Variants in NCBP1 observed in about 807,000 individuals in gnomAD.
The protein encoded by NCBP1 is nuclear cap binding protein subunit 1, also known as nuclear cap-binding protein subunit 1.
A neutral mutation model predicts 111.7 loss-of-function variants in NCBP1; 16 were observed. The ratio of observed to expected loss-of-function variants is 0.14; its 90% CI spans 0.10 to 0.22. NCBP1 has a LOEUF of 0.22. NCBP1 is among the 10% of genes least tolerant of loss of function. The probability of loss-of-function intolerance (pLI) is 1.00; values close to 1 mark genes in which losing one functional copy is unlikely to be tolerated. For synonymous variants in NCBP1, 304 were observed against 314.3 expected (o/e 0.97, Z 0.35); for missense variants, 607 against 957.5 (o/e 0.63, Z 4.83).
Position 97,669,856 on chromosome 9 carries a change from A to G in NCBP1, c.2259+150A>G, listed in dbSNP as rs925391039. The G allele has an allele frequency of 7.0e-6, 5 of 709,686 alleles. No homozygotes were observed. The African/African-American group carries it at 8.8e-5, about 12-fold the overall frequency. The allele number at this position is 709,686 out of a possible 1,614,324, so 44.0% of individuals were successfully genotyped here. On this transcript the variant is annotated intron_variant, in intron 22 of 22. Coordinates refer to ENST00000375147, the MANE Select transcript of NCBP1 (RefSeq NM_002486.5). ...CCATTTGCTGCTACCATTGCTCATC[A>G]GAATATTTAGGCTTAAACTGATTCT...
At chr9:97,655,091 CATACTT>C (rs1827611376) in intron 12 of NCBP1, 147 bp downstream of exon 12, 1 of 554,940 alleles carries the variant, frequency 1.8e-6, no homozygotes, top group Non-Finnish European at 3.0e-6. Flanking sequence ...TAACCAGACT[CATACTT>C]AATGTAACAT....
intron 2 of NCBP1, 40 bp from the exon 3 acceptor site, chr9:97,641,522 C>T (rs1827204467): frequency 7.0e-7 from 1 of 1,432,104 alleles, no homozygotes; most frequent in East Asian, 2.5e-5. Context: ...ATTTATGTTG[C>T]TGAGTACTTG....
At chr9:97,641,782 GA>G in intron 3 of NCBP1, 120 bp downstream of exon 3, 1 of 1,106,330 alleles carries the variant, frequency 9.0e-7, no homozygotes, top group Admixed American at 3.7e-5. Context: ...CTTCTATGGG[GA>G]AATTTGTACA....
intron 8 of NCBP1, among the ~76,000 whole-genome samples, chr9:97,648,833 C>T (rs1827420717): frequency 6.6e-6 from 1 of 152,162 alleles, no homozygotes; most frequent in African/African-American, 2.4e-5. Context: ...CTTCAGCCTC[C>T]TGAGTAGCTG....
At chr9:97,643,113 G>A in intron 3 of NCBP1, 91 bp from the exon 4 acceptor site, 1 of 1,318,492 alleles carries the variant, frequency 7.6e-7, no homozygotes. Flanking sequence ...CTGTTCCAAA[G>A]TTAATGGAAT....
At chr9:97,650,151 C>T (rs931246125) in intron 8 of NCBP1, among the ~76,000 whole-genome samples, 26 of 152,108 alleles carry the variant, frequency 1.7e-4, no homozygotes, top group Non-Finnish European at 1.5e-5. Context: ...AGAATTTTCT[C>T]TCTGCATAGT....
chr9:97,670,910 CT>C (rs1303472408), intron 22 of NCBP1, among the ~76,000 whole-genome samples, 175 bp from the exon 23 acceptor site: 1 of 152,050 alleles, frequency 6.6e-6, no homozygotes, highest in African/African-American at 2.4e-5. Flanking sequence ...TTTCATTTCC[CT>C]TTTTATTTTT....
intron 21 of NCBP1, 149 bp from the exon 22 acceptor site, chr9:97,669,443 AG>A: frequency 1.6e-6 from 1 of 615,352 alleles, no homozygotes; most frequent in Middle Eastern, 4.3e-4. Context: ...CTGCCCTTCT[AG>A]GTTGACTTCA....
chr9:97,636,633 A>AATATAT (rs1827042709), intron 1 of NCBP1, among the ~76,000 whole-genome samples: 1 of 90,404 alleles, frequency 1.1e-5, no homozygotes, highest in Admixed American at 1.5e-4. Context: ...TATGGAAAGT[A>AATATAT]ATACATATAT....
intron 1 of NCBP1, 117 bp from the exon 2 acceptor site, chr9:97,640,667 GTGAAGAGCTT>G: frequency 1.5e-6 from 1 of 676,346 alleles, no homozygotes. Flanking sequence ...TGGAGGGTCT[GTGAAGAGCTT>G]CTACTCTGTA....
At chr9:97,643,516 G>A (rs777830880) in intron 4 of NCBP1, among the ~76,000 whole-genome samples, 156 bp downstream of exon 4, 93 of 152,126 alleles carry the variant, frequency 6.1e-4, no homozygotes, top group Non-Finnish European at 7.1e-4. Flanking sequence ...CCCCAAATCT[G>A]TAACTGTATC....
chr9:97,666,920 C>T, intron 20 of NCBP1, 43 bp downstream of exon 20: 2 of 1,340,686 alleles, frequency 1.5e-6, no homozygotes, highest in Admixed American at 2.3e-5. Flanking sequence ...GAAAATATAC[C>T]AGAAACTCTG....
chr9:97,660,086 G>T (rs1827788345), intron 15 of NCBP1, among the ~76,000 whole-genome samples: 1 of 152,180 alleles, frequency 6.6e-6, no homozygotes, highest in South Asian at 2.1e-4. Context: ...TGTGTCTAAT[G>T]TGAATATCTT....
intron 1 of NCBP1, among the ~76,000 whole-genome samples, chr9:97,640,475 A>G (rs908546413): frequency 2.0e-5 from 3 of 152,168 alleles, no homozygotes; most frequent in Admixed American, 2.0e-4. Context: ...TCTAACTACT[A>G]GTGTTTAACA....
intron 1 of NCBP1, among the ~76,000 whole-genome samples, chr9:97,637,102 A>G (rs891990741): frequency 6.6e-6 from 1 of 152,176 alleles, no homozygotes. Flanking sequence ...GTTGTAGGAG[A>G]TAAGATTAGA....
At chr9:97,637,437 C>A (rs552058264) in intron 1 of NCBP1, among the ~76,000 whole-genome samples, 21 of 152,202 alleles carry the variant, frequency 1.4e-4, no homozygotes, top group African/African-American at 5.1e-4. Context: ...AGAAACAATA[C>A]GAATACAATT....
intron 18 of NCBP1, among the ~76,000 whole-genome samples, chr9:97,664,008 G>A (rs192357192): frequency 6.6e-6 from 1 of 151,656 alleles, no homozygotes; most frequent in East Asian, 2.0e-4. Flanking sequence ...GTGAAACCCC[G>A]TCTATACTAA....
At chr9:97,640,954 C>T (rs1827189846) in intron 2 of NCBP1, 72 bp downstream of exon 2, 3 of 1,197,756 alleles carry the variant, frequency 2.5e-6, no homozygotes, top group Non-Finnish European at 3.5e-6. Flanking sequence ...TTAATTTTTG[C>T]AGCTGAAAAG....
intron 22 of NCBP1, chr9:97,669,932 C>G: frequency 1.8e-6 from 1 of 551,194 alleles, no homozygotes; most frequent in Non-Finnish European, 3.3e-6. Context: ...CCCGCCCCAC[C>G]TTTTTTTTGA....
Sources: allele counts gnomAD v4.1 joint callset (sites outside exome capture counted in the v4.1 genomes callset), GRCh38; gene constraint gnomAD v4.1.1; transcripts MANE v1.5; gene names NCBI Gene and HGNC (gene_info 2026-07-23, HGNC 2026-07-21).